EPHA3: variants seen among roughly 807,000 people sequenced by gnomAD.
The protein encoded by EPHA3 is ephrin type-A receptor 3.
EPHA3 carries 42 observed loss-of-function variants against 107.1 expected under a neutral mutation model. The observed-to-expected ratio is 0.39, with a 90% confidence interval of 0.31 to 0.51. The LOEUF (loss-of-function observed/expected upper bound fraction) is 0.51. Among genes scored for constraint, EPHA3 ranks in the 20% least tolerant of loss-of-function variants. The probability of loss-of-function intolerance (pLI) is 0.78; values close to 1 mark genes in which losing one functional copy is unlikely to be tolerated. For missense variants in EPHA3, 1,183 were observed against 1,211.2 expected (o/e 0.98, Z 0.35); for synonymous variants, 461 against 424.8 (o/e 1.09, Z -1.05).
chr3:89,150,382 A>G (rs1308293149), intron 2 of EPHA3, among the ~76,000 whole-genome samples: 1 of 152,008 alleles, frequency 6.6e-6, no homozygotes, highest in Non-Finnish European at 1.5e-5. Context: ...ACTTTTATTT[A>G]TATGTTTTTT....
chr3:89,174,716 AC>A (rs1254553160), intron 2 of EPHA3, among the ~76,000 whole-genome samples: 1 of 151,976 alleles, frequency 6.6e-6, no homozygotes, highest in Non-Finnish European at 1.5e-5. Context: ...AAAATTAACC[AC>A]CAAGTTAAAT....
chr3:89,211,095 G>A (rs572504994), intron 3 of EPHA3, among the ~76,000 whole-genome samples: 10 of 152,060 alleles, frequency 6.6e-5, no homozygotes, highest in African/African-American at 2.4e-4. Context: ...ATGTATACAG[G>A]CATGATTTTT....
chr3:89,211,570 G>T, intron 3 of EPHA3, among the ~76,000 whole-genome samples: 1 of 151,946 alleles, frequency 6.6e-6, no homozygotes, highest in Non-Finnish European at 1.5e-5. Flanking sequence ...AGACTACTTT[G>T]CATATAAATT....
intron 5 of EPHA3, among the ~76,000 whole-genome samples, chr3:89,390,444 C>CA (rs1302120030): frequency 2.0e-5 from 3 of 151,790 alleles, no homozygotes; most frequent in Non-Finnish European, 4.4e-5. Flanking sequence ...ACCAAAAATA[C>CA]AAAAAATTAG....
At chr3:89,282,722 A>G (rs1705978896) in intron 3 of EPHA3, among the ~76,000 whole-genome samples, 1 of 152,148 alleles carries the variant, frequency 6.6e-6, no homozygotes, top group African/African-American at 2.4e-5. Flanking sequence ...AAATGTGAAA[A>G]ATGAACTGGG....
intron 5 of EPHA3, among the ~76,000 whole-genome samples, chr3:89,390,986 A>C: frequency 6.6e-6 from 1 of 151,564 alleles, no homozygotes; most frequent in Non-Finnish European, 1.5e-5. Flanking sequence ...GCCGGGTTTC[A>C]TGTTGGCCAG....
intron 1 of EPHA3, among the ~76,000 whole-genome samples, chr3:89,113,731 G>T (rs1707178627): frequency 1.0e-5 from 1 of 98,148 alleles, no homozygotes; most frequent in Admixed American, 1.0e-4. Flanking sequence ...TTAAAATGGG[G>T]TTGAGGTGGG....
chr3:89,414,797 G>A (rs1316134426), intron 10 of EPHA3, among the ~76,000 whole-genome samples: 1 of 151,538 alleles, frequency 6.6e-6, no homozygotes, highest in Non-Finnish European at 1.5e-5. Context: ...TTGGGAAAAA[G>A]CACACCACTG....
chr3:89,193,607 G>T (rs1264002750), intron 2 of EPHA3, among the ~76,000 whole-genome samples: 3 of 151,768 alleles, frequency 2.0e-5, no homozygotes, highest in Admixed American at 6.6e-5. Flanking sequence ...AGAAAGAAAT[G>T]ATAAATGTAT....
At chr3:89,388,796 C>A (rs1461116267) in intron 5 of EPHA3, among the ~76,000 whole-genome samples, 1 of 152,110 alleles carries the variant, frequency 6.6e-6, no homozygotes, top group African/African-American at 2.4e-5. Flanking sequence ...GATCTCCAGA[C>A]CGTTCTGTTG....
chr3:89,186,194 C>A (rs1444937926), intron 2 of EPHA3, among the ~76,000 whole-genome samples: 2 of 151,896 alleles, frequency 1.3e-5, no homozygotes, highest in East Asian at 3.9e-4. Flanking sequence ...ATATAGACTT[C>A]TTTTGGTAAA....
intron 13 of EPHA3, among the ~76,000 whole-genome samples, chr3:89,436,510 G>C (rs572570302): frequency 6.6e-6 from 1 of 152,324 alleles, no homozygotes; most frequent in South Asian, 2.1e-4. Context: ...GTAGAGCGTA[G>C]TTGCACTGAA....
chr3:89,399,399 T>C lies in EPHA3; in HGVS notation c.1513T>C (p.Tyr505His), dbSNP rs1245874536. The change falls in exon 7 of 17, where the codon TAC (tyrosine) becomes CAC (histidine). Residue 505 changes from tyrosine (Y) to histidine (H), a missense_variant. Tyr to His is a moderately conservative substitution (Grantham distance 83). Transcript: ENST00000336596. ...TISSLKPDTI[Y>H]VFQIRARTAA... ...CAGTAGCCTCAAGCCTGACACTATATACGTATTCCAAATCCGAGCCCGAAC... is the reference window on the plus strand; with the variant it reads ...CAGTAGCCTCAAGCCTGACACTATACACGTATTCCAAATCCGAGCCCGAAC... The C allele has an allele frequency of 5.0e-6, 8 of 1,614,116 alleles. No homozygotes were observed. Among genetic ancestry groups the C allele is most frequent in the Non-Finnish European group, 5.9e-6 (7 of 1,180,000 alleles).
chr3:89,429,694 TCATCTATCTATC>T (rs1012534692), intron 12 of EPHA3, among the ~76,000 whole-genome samples: 1 of 138,780 alleles, frequency 7.2e-6, no homozygotes, highest in African/African-American at 2.6e-5. Context: ...CGTTTATCTA[TCATCTATCTATC>T]TATCTATCTA....
intron 11 of EPHA3, among the ~76,000 whole-genome samples, chr3:89,426,120 G>T (rs1261751633): frequency 6.6e-6 from 1 of 151,800 alleles, no homozygotes; most frequent in South Asian, 2.1e-4. Context: ...GTGTTTTGGG[G>T]TTTCTGAGAG....
chr3:89,177,103 T>G (rs7610407), intron 2 of EPHA3, among the ~76,000 whole-genome samples: 54,879 of 152,044 alleles, frequency 0.36, 12,183 homozygotes, highest in Admixed American at 0.48. Flanking sequence ...CACGTGTGTA[T>G]GTGTGTGTGA....
At chr3:89,472,642 G>T (rs1347382270) in intron 16 of EPHA3, 23 bp downstream of exon 16, 16 of 1,598,924 alleles carry the variant, frequency 1.0e-5, no homozygotes, top group Non-Finnish European at 1.3e-5. Context: ...AATTCATTAA[G>T]AAGAATGAAG....
At chr3:89,479,312 C>A in intron 16 of EPHA3, 85 bp from the exon 17 acceptor site, 1 of 1,046,104 alleles carries the variant, frequency 9.6e-7, no homozygotes, top group Non-Finnish European at 1.5e-6. Context: ...TAGAATATAA[C>A]ATCGTGCAAA....
At chr3:89,309,146 T>C (rs1298868244) in intron 3 of EPHA3, among the ~76,000 whole-genome samples, 2 of 152,100 alleles carry the variant, frequency 1.3e-5, no homozygotes, top group Non-Finnish European at 2.9e-5. Flanking sequence ...ATTTAGCAAC[T>C]GGGAGATTAT....
Sources: allele counts gnomAD v4.1 joint callset (sites outside exome capture counted in the v4.1 genomes callset), GRCh38; gene constraint gnomAD v4.1.1; transcripts MANE v1.5; gene names NCBI Gene and HGNC (gene_info 2026-07-23, HGNC 2026-07-21).